Variants in TBC1D20 observed in about 807,000 individuals in gnomAD.
TBC1D20 encodes the protein TBC1 domain family member 20.
TBC1D20 carries 12 observed loss-of-function variants against 41.6 expected under a neutral mutation model. The ratio of observed to expected loss-of-function variants is 0.29; its 90% confidence interval spans 0.18 to 0.47. The LOEUF is 0.47. Among genes scored for constraint, TBC1D20 ranks in the 20% least tolerant of loss-of-function variants. TBC1D20 has a pLI of 1.00. For missense variants in TBC1D20, 421 were observed against 517.4 expected (o/e 0.81, Z 1.81); for synonymous variants, 205 against 204.8 (o/e 1.00, Z -0.01).
intron 1 of TBC1D20, among the ~76,000 whole-genome samples, chr20:461,805 G>A (rs1207358967): frequency 3.9e-5 from 6 of 152,266 alleles, no homozygotes; most frequent in Non-Finnish European, 8.8e-5. Context: ...AGACAGCGGC[G>A]ATGGCTGCAC....
At chr20:458,895 G>A (rs6116074) in intron 1 of TBC1D20, among the ~76,000 whole-genome samples, 15 of 152,044 alleles carry the variant, frequency 9.9e-5, no homozygotes, top group African/African-American at 2.7e-4. Context: ...CGTGGATTTC[G>A]GCTGCTGTTT....
At chr20:447,852 G>C (rs1313068473) in intron 2 of TBC1D20, 37 bp downstream of exon 2, 1 of 1,552,330 alleles carries the variant, frequency 6.4e-7, no homozygotes, top group African/African-American at 1.4e-5. Flanking sequence ...CTGTCTCCTA[G>C]ATAAGCTCCC....
chr20:450,030 T>C (rs551667627), intron 1 of TBC1D20, among the ~76,000 whole-genome samples: 1 of 152,290 alleles, frequency 6.6e-6, no homozygotes, highest in Non-Finnish European at 1.5e-5. Flanking sequence ...AATTTTTTCC[T>C]GTTGTTTAAA....
rs1431068659 is a variant in TBC1D20, at chr20:445,034, C to T, written c.337+16G>A. 6.3e-7 allele frequency: 1 copy of T among 1,594,080 alleles called. No homozygotes were observed. Among genetic ancestry groups the T allele is most frequent in the Non-Finnish European group, 8.6e-7 (1 of 1,167,466 alleles). On this transcript the variant is annotated intron_variant, in intron 3 of 7. Transcript: ENST00000354200. ...ACAGTCTTTCCAAATGTGGCAGGAC[C>T]GGGAGAGCTTCTCACCAGGAGGGAA...
chr20:456,585 C>T (rs529448006), intron 1 of TBC1D20, among the ~76,000 whole-genome samples: 65 of 151,982 alleles, frequency 4.3e-4, no homozygotes, highest in African/African-American at 8.7e-4. Flanking sequence ...TTTTTTGAGA[C>T]GGAGTTACGC....
At chr20:453,230 TG>T in intron 1 of TBC1D20, among the ~76,000 whole-genome samples, 1 of 144,312 alleles carries the variant, frequency 6.9e-6, no homozygotes, top group East Asian at 2.2e-4. Context: ...CCTCGCACTT[TG>T]GGAGGCCGAA....
chr20:462,031 T>A (rs1019851604), intron 1 of TBC1D20, among the ~76,000 whole-genome samples: 3 of 151,824 alleles, frequency 2.0e-5, no homozygotes, highest in Non-Finnish European at 2.9e-5. Context: ...GCTCGAGGAG[T>A]CCCAGTCCTC....
intron 1 of TBC1D20, among the ~76,000 whole-genome samples, chr20:459,450 G>A (rs2017594382): frequency 6.6e-6 from 1 of 152,102 alleles, no homozygotes; most frequent in Admixed American, 6.6e-5. Flanking sequence ...TTATTCCAAA[G>A]CTGATACCTT....
At chr20:441,202 G>A (rs2017223336) in intron 5 of TBC1D20, 1 of 172,708 alleles carries the variant, frequency 5.8e-6, no homozygotes, top group Non-Finnish European at 1.2e-5. Context: ...CATGGGATTT[G>A]CAAAAAAATA....
In TBC1D20 at chr20:453,153, CAAAAAAAAAAAAAAAAAAAAA is replaced by C. The variant is rs71191943; in HGVS notation, c.71-5100_71-5080del. Among the ~76,000 whole-genome samples the C allele has an allele frequency of 1.9e-3, 85 of 44,862 alleles. 3 individuals carry two copies. In the East Asian group the frequency reaches 0.086, roughly 45 times the overall value. 29.4% of individuals were successfully genotyped at this position (44,862 alleles called of 152,430 possible). On this transcript the variant is annotated intron_variant, in intron 1 of 7. Coordinates refer to ENST00000354200, the MANE Select transcript of TBC1D20 (RefSeq NM_144628.4). The stretch of plus-strand genomic sequence containing the variant: ...GGGCAACAAGAGCGAAACTCCGTTT[CAAAAAAAAAAAAAAAAAAAAA>C]AAAAAAAAAAAAAACAGGCTGGGCG...
intron 1 of TBC1D20, among the ~76,000 whole-genome samples, chr20:458,865 AGAG>A (rs1434319617): frequency 6.6e-6 from 1 of 152,132 alleles, no homozygotes; most frequent in East Asian, 1.9e-4. Context: ...GGTGTTTCCC[AGAG>A]GAGGATGCTG....
intron 3 of TBC1D20, among the ~76,000 whole-genome samples, chr20:443,549 CT>C (rs2122390871): frequency 6.6e-6 from 1 of 152,280 alleles, no homozygotes; most frequent in African/African-American, 2.4e-5. Context: ...CAAAACTCAC[CT>C]CTTGCCCATA....
intron 1 of TBC1D20, among the ~76,000 whole-genome samples, chr20:450,148 T>C (rs943982734): frequency 4.0e-5 from 6 of 151,638 alleles, no homozygotes; most frequent in African/African-American, 7.3e-5. Flanking sequence ...TAGAATCACA[T>C]AGAGATTTTT....
At chr20:447,798 T>C in intron 2 of TBC1D20, 91 bp downstream of exon 2, 1 of 1,188,474 alleles carries the variant, frequency 8.4e-7, no homozygotes, top group Non-Finnish European at 1.1e-6. Context: ...TACCCTTGGT[T>C]TGAAAGGACC....
rs111371173 is a variant in TBC1D20, at chr20:438,542, G to A, written c.*44C>T. ...ACCCCTCCCAATCCTTCCATGGAAG[G>A]GTGAGACCTTAATGTGATGTAAGAG... is the stretch of plus-strand genomic sequence containing the variant. On this transcript the variant is annotated 3_prime_UTR_variant, in exon 8 of 8. Transcript: ENST00000354200. The A allele has an allele frequency of 1.2e-6, 2 of 1,601,302 alleles. No homozygotes were observed. Among genetic ancestry groups the A allele is most frequent in the Non-Finnish European group, 8.5e-7 (1 of 1,170,680 alleles).
At chr20:448,875 G>A (rs1600336211) in intron 1 of TBC1D20, among the ~76,000 whole-genome samples, 2 of 133,982 alleles carry the variant, frequency 1.5e-5, no homozygotes, top group South Asian at 2.4e-4. Flanking sequence ...ACGGAGTCTC[G>A]GTCTGTAGCC....
At chr20:444,146 A>G (rs1555789704) in intron 3 of TBC1D20, among the ~76,000 whole-genome samples, 1 of 150,632 alleles carries the variant, frequency 6.6e-6, no homozygotes, top group Non-Finnish European at 1.5e-5. Context: ...AAAAAAAAAA[A>G]GGGAGGCATC....
chr20:443,965 A>AAC lies in TBC1D20; in HGVS notation c.337+1083_337+1084dup, dbSNP rs540930461. 5.7e-4 allele frequency among the ~76,000 whole-genome samples: 86 copies of AAC among 152,008 alleles called. No individual in the cohort carries two copies. The East Asian group carries it at 0.015, about 26-fold the overall frequency. The stretch of plus-strand genomic sequence containing the variant: ...ATGGTGAAACCCCATCTCTATTAAA[A>AAC]ACACACACACACAAAATTAGCTGGG... On this transcript the variant is annotated intron_variant, in intron 3 of 7. Transcript: ENST00000354200.
intron 5 of TBC1D20, 114 bp from the exon 6 acceptor site, chr20:440,503 C>A: frequency 7.5e-7 from 1 of 1,342,228 alleles, no homozygotes; most frequent in South Asian, 1.5e-5. Flanking sequence ...CTGGAAAATT[C>A]AGTTACCTAG....
Sources: allele counts gnomAD v4.1 joint callset (sites outside exome capture counted in the v4.1 genomes callset), GRCh38; gene constraint gnomAD v4.1.1; transcripts MANE v1.5; gene names NCBI Gene and HGNC (gene_info 2026-07-23, HGNC 2026-07-21).